Variants in NAV1 observed in about 807,000 individuals in gnomAD.
The protein encoded by NAV1 is neuron navigator 1, also known as pore membrane and/or filament interacting like protein 3.
Under a neutral mutation model 175.2 loss-of-function variants are expected in NAV1, and 18 were observed. The ratio of observed to expected loss-of-function variants is 0.10; its 90% confidence interval spans 0.07 to 0.15. NAV1 has a LOEUF of 0.15. NAV1 is among the 10% of genes least tolerant of loss of function. The probability of loss-of-function intolerance (pLI) is 1.00; values close to 1 mark genes in which losing one functional copy is unlikely to be tolerated. For synonymous variants in NAV1, 897 were observed against 978.7 expected (o/e 0.92, Z 1.56); for missense variants, 1,731 against 2,436.6 (o/e 0.71, Z 6.10).
At chr1:201,635,557 A>T (rs1384019121) in intron 2 of NAV1, among the ~76,000 whole-genome samples, 1 of 152,110 alleles carries the variant, frequency 6.6e-6, no homozygotes, top group African/African-American at 2.4e-5. Context: ...CTCCCACCCT[A>T]AGGAGCAGGA....
At chr1:201,768,508 C>T (rs1174149735) in intron 3 of NAV1, among the ~76,000 whole-genome samples, 4 of 151,814 alleles carry the variant, frequency 2.6e-5, no homozygotes, top group African/African-American at 7.3e-5. Context: ...CGCAGTGGTG[C>T]GCACATGTAG....
exon 30 of NAV1, chr1:201,821,675 A>T (rs1679387678): frequency 6.6e-6 from 1 of 152,232 alleles, no homozygotes; most frequent in Admixed American, 6.5e-5. Flanking sequence ...GGAGCCAGCT[A>T]GAAAGAAGCT....
chr1:201,805,340 G>C (rs1283780098), intron 17 of NAV1, among the ~76,000 whole-genome samples: 1 of 152,188 alleles, frequency 6.6e-6, no homozygotes, highest in Non-Finnish European at 1.5e-5. Flanking sequence ...CAGATGACGA[G>C]ACAGTGATTA....
At chr1:201,601,929 C>T (rs1246370670) in intron 2 of NAV1, among the ~76,000 whole-genome samples, 1 of 152,132 alleles carries the variant, frequency 6.6e-6, no homozygotes, top group East Asian at 1.9e-4. Flanking sequence ...AGGAGGGGAT[C>T]CACAGGCCCT....
At chr1:201,780,421 C>A in exon 4 of NAV1, 1 of 1,614,192 alleles carries the variant, frequency 6.2e-7, no homozygotes. Context: ...TGTCCTGTAG[C>A]TGGGATGAAA....
At chr1:201,612,711 T>C (rs539189255) in intron 2 of NAV1, among the ~76,000 whole-genome samples, 8 of 152,324 alleles carry the variant, frequency 5.3e-5, no homozygotes, top group Middle Eastern at 3.4e-3. Flanking sequence ...GCCCACCTCT[T>C]AATACTATTG....
chr1:201,667,919 G>A (rs950737003), intron 1 of NAV1, among the ~76,000 whole-genome samples: 2 of 152,054 alleles, frequency 1.3e-5, no homozygotes, highest in Admixed American at 6.6e-5. Flanking sequence ...GATGTTCCAG[G>A]GTGGAGGCCC....
chr1:201,799,458 A>G (rs1242744872), intron 15 of NAV1, among the ~76,000 whole-genome samples: 1 of 152,192 alleles, frequency 6.6e-6, no homozygotes, highest in Non-Finnish European at 1.5e-5. Context: ...ATTTCATTTT[A>G]TTTATAAATA....
Position 201,544,330 on chromosome 1 carries a change from C to T in NAV1, c.-144+4988C>T, listed in dbSNP as rs11807241. Among the ~76,000 whole-genome samples, 447 of 152,312 alleles carry T rather than the reference C, an allele frequency of 2.9e-3. 4 individuals are homozygous for T. The highest frequency in any genetic ancestry group is 9.7e-3 in the African/African-American group (404 of 41,558). ...GTCACAGCTTTCAATGACGCAATTCCCTCCCCATCTGGTCGGTAATACTGA... is the reference window on the plus strand; with the variant it reads ...GTCACAGCTTTCAATGACGCAATTCTCTCCCCATCTGGTCGGTAATACTGA... On this transcript the variant is annotated intron_variant, in intron 1 of 33. Transcript: ENST00000685211.
At chr1:201,707,973 G>A (rs541226336) in intron 1 of NAV1, among the ~76,000 whole-genome samples, 3 of 152,174 alleles carry the variant, frequency 2.0e-5, no homozygotes, top group Non-Finnish European at 2.9e-5. Context: ...CAGTCCCCTG[G>A]CTCAAATTAA....
In NAV1 at chr1:201,811,599, C is replaced by G. The variant is rs374611768; in HGVS notation, c.4798-4C>G. Reference sequence around the variant, plus strand: ...TGCTGACCCACAGCCTTCTTTTATTCCAGGATCTGCAACTGTATCTTTCCA... The same window carrying G: ...TGCTGACCCACAGCCTTCTTTTATTGCAGGATCTGCAACTGTATCTTTCCA... On this transcript the variant is annotated splice_region_variant and splice_polypyrimidine_tract_variant and intron_variant, in intron 24 of 29. Coordinates refer to ENST00000367296, the Ensembl canonical transcript of NAV1. 51 of 1,613,934 alleles carry G rather than the reference C, an allele frequency of 3.2e-5. No individual in the cohort carries two copies. The highest frequency in any genetic ancestry group is 4.2e-5 in the Non-Finnish European group (50 of 1,180,016).
intron 2 of NAV1, among the ~76,000 whole-genome samples, chr1:201,642,509 G>A (rs1668801444): frequency 1.5e-5 from 1 of 64,874 alleles, no homozygotes; most frequent in Admixed American, 1.7e-4. Context: ...ACCGCACCCG[G>A]CCTCTTTCTT....
chr1:201,704,010 T>C (rs75654526), intron 1 of NAV1, among the ~76,000 whole-genome samples: 4,504 of 152,254 alleles, frequency 0.03, 179 homozygotes, highest in East Asian at 0.095. Flanking sequence ...TGGAGCCTCT[T>C]GGAAACTTTG....
chr1:201,785,224 C>T, intron 7 of NAV1, 86 bp from the exon 12 acceptor site: 1 of 1,448,748 alleles, frequency 6.9e-7, no homozygotes, highest in African/African-American at 1.4e-5. Context: ...GCATACCTCA[C>T]ACCAATGGTC....
intron 3 of NAV1, among the ~76,000 whole-genome samples, chr1:201,780,047 C>T (rs767439383): frequency 5.3e-5 from 8 of 152,006 alleles, no homozygotes; most frequent in African/African-American, 1.5e-4. Flanking sequence ...ATGCAGAACG[C>T]GTCTAAAAAT....
At chr1:201,693,263 A>G (rs192966824) in intron 1 of NAV1, among the ~76,000 whole-genome samples, 1 of 152,336 alleles carries the variant, frequency 6.6e-6, no homozygotes, top group African/African-American at 2.4e-5. Flanking sequence ...TGATCAAGTG[A>G]TACGCAGGCT....
chr1:201,800,302 C>CT (rs1042376044), intron 15 of NAV1, among the ~76,000 whole-genome samples: 2 of 152,192 alleles, frequency 1.3e-5, no homozygotes, highest in African/African-American at 2.4e-5. Context: ...CACCCAGCCC[C>CT]TTTATTTTAT....
chr1:201,718,844 C>A lies in NAV1; in HGVS notation c.1226+89C>A. 1 of 1,509,506 alleles carries A rather than the reference C, an allele frequency of 6.6e-7. No individual in the cohort carries two copies. The highest frequency in any genetic ancestry group is 8.9e-7 in the Non-Finnish European group (1 of 1,117,650). The allele number at this position is 1,509,506 out of a possible 1,614,324, so 93.5% of individuals were successfully genotyped here. On this transcript the variant is annotated intron_variant, in intron 3 of 29. Coordinates refer to ENST00000367296, the Ensembl canonical transcript of NAV1. The surrounding 1 kb of genome is among the most constrained non-coding windows in gnomAD (Gnocchi z 4.8). The stretch of plus-strand genomic sequence containing the variant: ...CTTAAAAGTGGAGTGGAACCCAAAA[C>A]GGGTTTTGGTTTGCTGTGCTGCTAT...
chr1:201,604,403 G>A (rs1396923373), intron 2 of NAV1, among the ~76,000 whole-genome samples: 4 of 152,162 alleles, frequency 2.6e-5, no homozygotes, highest in African/African-American at 9.7e-5. Flanking sequence ...TGGGCCGGGT[G>A]TACAACGGCT....
Sources: gnomAD v4.1 joint callset for allele counts (sites outside exome capture counted in the v4.1 genomes callset) on GRCh38, gnomAD v4.1.1 for gene constraint, Gnocchi (gnomAD v3.1) non-coding constraint, MANE v1.5 for transcripts, NCBI Gene and HGNC (gene_info 2026-07-23, HGNC 2026-07-21) for gene names.